Variants in PTPRN2 observed in about 807,000 individuals in gnomAD.
PTPRN2 encodes the protein protein tyrosine phosphatase receptor type N2.
PTPRN2 carries 74 observed loss-of-function variants against 118.8 expected under a neutral mutation model. That is an observed-to-expected ratio of 0.62 (90% confidence interval 0.52 to 0.76). The LOEUF (loss-of-function observed/expected upper bound fraction) is 0.76, where lower values mean the gene tolerates loss of function less well. PTPRN2 is among the 30% of genes least tolerant of loss of function. PTPRN2 has a pLI of 0.00. For missense variants in PTPRN2, 1,481 were observed against 1,394.4 expected (o/e 1.06, Z -0.99); for synonymous variants, 641 against 608.0 (o/e 1.05, Z -0.80).
chr7:158,031,924 G>C (rs903096233), intron 11 of PTPRN2, among the ~76,000 whole-genome samples: 1 of 152,232 alleles, frequency 6.6e-6, no homozygotes, highest in Admixed American at 6.5e-5. Context: ...CGCTCCGGGG[G>C]CCCGCGAGCC....
intron 1 of PTPRN2, among the ~76,000 whole-genome samples, chr7:158,533,081 T>C (rs1825374117): frequency 6.6e-6 from 1 of 152,214 alleles, no homozygotes; most frequent in South Asian, 2.1e-4. Flanking sequence ...CAGCAATTAA[T>C]AACTCGCAAA....
At chr7:157,551,754 A>ACCCACAGCCACCACGCAC (rs1798632042) in intron 21 of PTPRN2, among the ~76,000 whole-genome samples, 1 of 19,536 alleles carries the variant, frequency 5.1e-5, no homozygotes, top group Non-Finnish European at 1.0e-4. Context: ...CCACCACACA[A>ACCCACAGCCACCACGCAC]CCCACAGCCA....
intron 11 of PTPRN2, among the ~76,000 whole-genome samples, chr7:158,073,909 C>T (rs2128924199): frequency 6.6e-6 from 1 of 152,324 alleles, no homozygotes. Context: ...CCCCCAGGCC[C>T]ACAGCCCAGC....
At chr7:158,403,452 C>A (rs942919111) in intron 2 of PTPRN2, among the ~76,000 whole-genome samples, 1 of 152,236 alleles carries the variant, frequency 6.6e-6, no homozygotes, top group Non-Finnish European at 1.5e-5. Flanking sequence ...CCCAGCTGCC[C>A]TCGTTCTGCA....
Position 158,587,625 on chromosome 7 carries a change from CAGCAGCAGCAGT to C in PTPRN2, c.33_44del (p.Leu12_Leu15del), listed in dbSNP as rs760895238. On this transcript the variant is annotated inframe_deletion, in exon 1 of 23. Transcript: ENST00000389418. ...GGGCGGCAGGCAGGACGCGTGGCGG[CAGCAGCAGCAGT>C]AGCAGCAGCAGCAGCGGGAGCGGCG... 4.4e-6 allele frequency: 6 copies of C among 1,352,946 alleles called. No homozygotes were observed. The highest frequency in any genetic ancestry group is 1.8e-5 in the South Asian group (1 of 55,916). 83.8% of individuals were successfully genotyped at this position (1,352,946 alleles called of 1,614,324 possible).
At chr7:158,431,183 T>C (rs1195179074) in intron 2 of PTPRN2, among the ~76,000 whole-genome samples, 1 of 152,158 alleles carries the variant, frequency 6.6e-6, no homozygotes, top group East Asian at 1.9e-4. Flanking sequence ...AGGCACACAC[T>C]GCCTCACAGC....
At chr7:157,621,320 C>G (rs200728842) in intron 15 of PTPRN2, 42 bp downstream of exon 15, 1 of 1,587,624 alleles carries the variant, frequency 6.3e-7, no homozygotes, top group East Asian at 2.3e-5. Flanking sequence ...CAGTTTCCAC[C>G]GCCCGTAACC....
intron 12 of PTPRN2, chr7:157,865,989 T>C (rs1397635413): frequency 1.3e-5 from 2 of 152,408 alleles, no homozygotes; most frequent in Non-Finnish European, 2.9e-5. Context: ...CCGGCCTCCT[T>C]CCCCGCTGCC....
rs376404269 is a variant in PTPRN2, at chr7:157,590,235, A to G, written c.2496+5003T>C. Among the ~76,000 whole-genome samples the G allele has an allele frequency of 1.3e-4, 20 of 152,294 alleles. No homozygotes were observed. The highest frequency in any genetic ancestry group is 3.4e-3 in the Middle Eastern group (1 of 294). On this transcript the variant is annotated intron_variant, in intron 17 of 22. Transcript: ENST00000389418. This position sits in a 1 kb window ranked among gnomAD's most constrained non-coding sequence, Gnocchi z 4.0. ...TTAAAAAAAAAGTTTATATGACAAA[A>G]TGACACCCTCACCCCAAAATGGGTA...
In PTPRN2 at chr7:157,707,072, T is replaced by G. The variant is rs541352665; in HGVS notation, c.1789-24135A>C. 1.8e-4 allele frequency among the ~76,000 whole-genome samples: 27 copies of G among 152,376 alleles called. No homozygotes were observed. In the South Asian group the frequency reaches 5.4e-3, roughly 30 times the overall value. ...CAGACAGATGAAGGACACAGAAAAC[T>G]TAATAGTAAAACATATTTTCTGATA... On this transcript the variant is annotated intron_variant, in intron 12 of 22. Transcript: ENST00000389418.
intron 2 of PTPRN2, among the ~76,000 whole-genome samples, chr7:158,340,284 C>A (rs1321276171): frequency 1.0e-5 from 1 of 96,764 alleles, no homozygotes; most frequent in Non-Finnish European, 2.3e-5. Flanking sequence ...ATCACTCACA[C>A]CCACATTCTC....
Position 158,167,285 on chromosome 7 carries a change from C to T in PTPRN2, c.556G>A (p.Asp186Asn), listed in dbSNP as rs754526684. ...AQDRPPAEGD[D>N]RFSESILTYV... ...GTCAGGATGCTCTCGGAGAAGCGGT[C>T]ATCACCCTGAAGGAAAGGAGAGCAA... The change falls in exon 6 of 23, where the codon GAC becomes AAC. Residue 186 changes from aspartate (D) to asparagine (N), a missense_variant. Around this residue, in one of 3 missense-constraint regions of PTPRN2, gnomAD observed 1,115 missense variants for 994.2 expected, o/e 1.12. Transcript: ENST00000389418. The T allele has an allele frequency of 6.3e-7, 1 of 1,595,084 alleles. No individual in the cohort carries two copies. The highest frequency in any genetic ancestry group is 2.2e-5 in the East Asian group (1 of 44,582).
At chr7:158,333,495 G>A (rs1247156021) in intron 2 of PTPRN2, among the ~76,000 whole-genome samples, 4 of 147,292 alleles carry the variant, frequency 2.7e-5, no homozygotes, top group Non-Finnish European at 4.4e-5. Flanking sequence ...ACCTGGAGAC[G>A]TCACTCACAC....
chr7:158,144,484 CA>C (rs1819701936), intron 6 of PTPRN2, among the ~76,000 whole-genome samples: 1 of 152,086 alleles, frequency 6.6e-6, no homozygotes, highest in South Asian at 2.1e-4. Context: ...CTAAAAATAC[CA>C]AAAATTAGCT....
At chr7:158,261,956 G>A (rs186353694) in intron 3 of PTPRN2, among the ~76,000 whole-genome samples, 19 of 152,336 alleles carry the variant, frequency 1.2e-4, no homozygotes, top group African/African-American at 3.4e-4. Context: ...TGGTGGCTGC[G>A]CCGTACTTCT....
At chr7:157,906,817 A>AC (rs1339289578) in intron 11 of PTPRN2, among the ~76,000 whole-genome samples, 1 of 151,934 alleles carries the variant, frequency 6.6e-6, no homozygotes, top group African/African-American at 2.4e-5. Context: ...GGTAGGAAGG[A>AC]CCCACGTGTC....
chr7:157,937,429 C>G (rs111683818), intron 11 of PTPRN2, among the ~76,000 whole-genome samples: 402 of 152,336 alleles, frequency 2.6e-3, no homozygotes, highest in Non-Finnish European at 4.9e-3. Flanking sequence ...AATAGGCAAG[C>G]CCTTGATGTC....
rs112459695 is a variant in PTPRN2 at position 158,105,832 on chromosome 7, A to G, written c.1643+4997T>C. ...ATCCTAGCTCCATCTTACGCCATGC[A>G]GCCCCATCCAGCTCCATTGCAGCTC... On this transcript the variant is annotated intron_variant, in intron 10 of 22. Transcript: ENST00000389418. Among the ~76,000 whole-genome samples the G allele has an allele frequency of 7.1e-3, 1,075 of 151,962 alleles. 14 individuals are homozygous for G. Among genetic ancestry groups the G allele is most frequent in the African/African-American group, 0.025 (1,028 of 41,424 alleles).
intron 2 of PTPRN2, among the ~76,000 whole-genome samples, chr7:158,376,612 GA>G (rs1157756901): frequency 4.0e-5 from 3 of 75,108 alleles, no homozygotes; most frequent in Non-Finnish European, 7.5e-5. Context: ...CACGTCCTGA[GA>G]GGGGGGTCAG....
Sources: allele counts gnomAD v4.1 joint callset (sites outside exome capture counted in the v4.1 genomes callset), GRCh38; gene constraint gnomAD v4.1.1; regional missense constraint gnomAD v4.1.1; non-coding constraint Gnocchi (gnomAD v3.1); transcripts MANE v1.5; gene names NCBI Gene and HGNC (gene_info 2026-07-23, HGNC 2026-07-21).